The following CNTNAP2 variants were observed in gnomAD, a reference collection of about 807,000 sequenced individuals.
CNTNAP2 encodes contactin-associated protein-like 2.
In CNTNAP2, 98 loss-of-function variants were observed where a neutral mutation model predicts 155.2. The ratio of observed to expected loss-of-function variants is 0.63; its 90% CI spans 0.54 to 0.75. The LOEUF (loss-of-function observed/expected upper bound fraction) is 0.75. CNTNAP2 is among the 30% of genes least tolerant of loss of function. The probability of loss-of-function intolerance (pLI) is 0.00; values close to 1 mark genes in which losing one functional copy is unlikely to be tolerated. For missense variants in CNTNAP2, 1,727 were observed against 1,688.1 expected, an observed-to-expected ratio of 1.02 and a Z score of -0.40; for synonymous variants, 651 against 631.2, an observed-to-expected ratio of 1.03 and a Z score of -0.47.
At chr7:147,807,897 TG>T (rs1798117506) in intron 13 of CNTNAP2, among the ~76,000 whole-genome samples, 1 of 152,160 alleles carries the variant, frequency 6.6e-6, no homozygotes, top group Admixed American at 6.6e-5. Flanking sequence ...AGGCTTTCAT[TG>T]ATGCCCCCTT....
At chr7:147,213,588 T>A (rs905194153) in intron 8 of CNTNAP2, among the ~76,000 whole-genome samples, 1 of 151,744 alleles carries the variant, frequency 6.6e-6, no homozygotes, top group African/African-American at 2.4e-5. Context: ...AAAAATAACA[T>A]TGTATTGGTC....
At chr7:147,969,377 A>G (rs13225250) in intron 14 of CNTNAP2, among the ~76,000 whole-genome samples, 20,404 of 151,980 alleles carry the variant, frequency 0.13, 2,239 homozygotes, top group African/African-American at 0.31. Flanking sequence ...ATTGATGACT[A>G]TGACTCTCCT....
At chr7:147,954,226 T>C (rs376909422) in intron 14 of CNTNAP2, among the ~76,000 whole-genome samples, 13 of 152,254 alleles carry the variant, frequency 8.5e-5, no homozygotes, top group East Asian at 1.9e-4. Context: ...ACTTTTTTTC[T>C]TTTGGTGCCT....
At chr7:147,828,238 G>A (rs1292668254) in intron 13 of CNTNAP2, among the ~76,000 whole-genome samples, 1 of 152,146 alleles carries the variant, frequency 6.6e-6, no homozygotes, top group Admixed American at 6.5e-5. Context: ...TGCAGAACCA[G>A]GGCATTGAAG....
At chr7:147,660,280 C>A (rs2116951854) in intron 13 of CNTNAP2, among the ~76,000 whole-genome samples, 1 of 152,322 alleles carries the variant, frequency 6.6e-6, no homozygotes, top group East Asian at 1.9e-4. Flanking sequence ...CCTTCTCTTC[C>A]TGCTGCTTCC....
chr7:147,553,372 A>G (rs1044464223), intron 11 of CNTNAP2, among the ~76,000 whole-genome samples: 1 of 152,164 alleles, frequency 6.6e-6, no homozygotes, highest in Non-Finnish European at 1.5e-5. Flanking sequence ...AAGTGTAAGG[A>G]AAGTCCTTCT....
intron 8 of CNTNAP2, among the ~76,000 whole-genome samples, chr7:147,233,896 A>G (rs1803739783): frequency 6.6e-6 from 1 of 152,066 alleles, no homozygotes; most frequent in Non-Finnish European, 1.5e-5. Context: ...ATTATTTGCT[A>G]TATTCACTCT....
chr7:147,443,566 T>C (rs1797679870), intron 10 of CNTNAP2, among the ~76,000 whole-genome samples: 1 of 152,172 alleles, frequency 6.6e-6, no homozygotes, highest in Non-Finnish European at 1.5e-5. Context: ...TCTCTGTAGA[T>C]AGTTGTTAAA....
intron 3 of CNTNAP2, among the ~76,000 whole-genome samples, chr7:146,941,574 C>A (rs914902541): frequency 9.9e-5 from 15 of 152,088 alleles, no homozygotes; most frequent in African/African-American, 3.4e-4. Flanking sequence ...TGTATTTTCT[C>A]TTACCAATGA....
chr7:147,136,932 T>C (rs1801492351), intron 8 of CNTNAP2, among the ~76,000 whole-genome samples: 1 of 151,944 alleles, frequency 6.6e-6, no homozygotes, highest in South Asian at 2.1e-4. Flanking sequence ...ACAAATACTT[T>C]AAGAGATTTG....
At chr7:146,961,288 C>CT (rs1257457859) in intron 3 of CNTNAP2, among the ~76,000 whole-genome samples, 19 of 152,152 alleles carry the variant, frequency 1.2e-4, no homozygotes, top group African/African-American at 4.1e-4. Flanking sequence ...GCTTCCGGGG[C>CT]AGGTCCCCTA....
intron 3 of CNTNAP2, among the ~76,000 whole-genome samples, chr7:146,991,928 A>G (rs1798215704): frequency 6.6e-6 from 1 of 152,160 alleles, no homozygotes; most frequent in Admixed American, 6.6e-5. Flanking sequence ...TCATAAATGT[A>G]TTGTTACTGC....
At chr7:146,911,800 G>A (rs906350443) in intron 3 of CNTNAP2, among the ~76,000 whole-genome samples, 43 of 151,916 alleles carry the variant, frequency 2.8e-4, no homozygotes, top group Admixed American at 1.2e-3. Flanking sequence ...AAAACTTAAA[G>A]TATAATAATA....
intron 9 of CNTNAP2, among the ~76,000 whole-genome samples, chr7:147,323,677 T>G (rs1795396052): frequency 6.6e-6 from 1 of 152,138 alleles, no homozygotes; most frequent in South Asian, 2.1e-4. Context: ...GACAGTGGGG[T>G]GTGAGTTTGG....
At chr7:146,245,298 G>A (rs1799627407) in intron 1 of CNTNAP2, among the ~76,000 whole-genome samples, 1 of 152,190 alleles carries the variant, frequency 6.6e-6, no homozygotes, top group African/African-American at 2.4e-5. Flanking sequence ...AATGGTAATT[G>A]TGGGACTTAA....
At chr7:147,563,471 A>ATCCAAAAAT (rs1249782781) in intron 12 of CNTNAP2, among the ~76,000 whole-genome samples, 2 of 151,964 alleles carry the variant, frequency 1.3e-5, no homozygotes, top group African/African-American at 2.4e-5. Flanking sequence ...TCTACTAAAA[A>ATCCAAAAAT]TCCAAAAATT....
At chr7:148,238,151 C>T (rs1489320577) in intron 20 of CNTNAP2, among the ~76,000 whole-genome samples, 1 of 152,116 alleles carries the variant, frequency 6.6e-6, no homozygotes, top group Non-Finnish European at 1.5e-5. Context: ...GAGATCGAGA[C>T]CATCCTGACC....
intron 18 of CNTNAP2, among the ~76,000 whole-genome samples, chr7:148,211,147 C>T (rs1463151601): frequency 6.6e-6 from 1 of 152,192 alleles, no homozygotes; most frequent in Non-Finnish European, 1.5e-5. Flanking sequence ...AGTGATCATT[C>T]TGGGCAATGG....
chr7:148,194,351 A>G (rs868322113), intron 18 of CNTNAP2, among the ~76,000 whole-genome samples: 29 of 152,216 alleles, frequency 1.9e-4, no homozygotes, highest in Middle Eastern at 6.8e-3. Context: ...CCCTATGTAT[A>G]AAAGCATTTG....
Sources: allele counts gnomAD v4.1 joint callset (sites outside exome capture counted in the v4.1 genomes callset), GRCh38; gene constraint gnomAD v4.1.1; transcripts MANE v1.5; gene names NCBI Gene and HGNC (gene_info 2026-07-23, HGNC 2026-07-21).